Variants in EPHA5 observed in about 807,000 individuals in gnomAD.
EPHA5 encodes ephrin type-A receptor 5.
A neutral mutation model predicts 105.0 loss-of-function variants in EPHA5; 60 were observed. That is an observed-to-expected ratio of 0.57 (90% CI 0.46 to 0.71). The LOEUF is 0.71. EPHA5 is among the 30% of genes least tolerant of loss of function. EPHA5 has a pLI of 0.00. For missense variants in EPHA5, 1,218 were observed against 1,274.7 expected, an observed-to-expected ratio of 0.96 and a Z score of 0.68; for synonymous variants, 513 against 449.1, an observed-to-expected ratio of 1.14 and a Z score of -1.80.
At chr4:65,344,088 T>C (rs1463715159) in intron 14 of EPHA5, among the ~76,000 whole-genome samples, 1 of 152,188 alleles carries the variant, frequency 6.6e-6, no homozygotes, top group Non-Finnish European at 1.5e-5. Flanking sequence ...ATAAATGAAC[T>C]TTTATTCACT....
At chr4:65,609,687 G>T (rs922668422) in intron 2 of EPHA5, among the ~76,000 whole-genome samples, 3 of 148,542 alleles carry the variant, frequency 2.0e-5, no homozygotes, top group South Asian at 2.1e-4. Context: ...TTTCAAAAAC[G>T]TATGGATCCT....
chr4:65,574,215 G>T (rs1740552651), intron 3 of EPHA5: 1 of 1,603,574 alleles, frequency 6.2e-7, no homozygotes, highest in Non-Finnish European at 8.5e-7. Flanking sequence ...TGATCAGAAA[G>T]CTGTGGACTC....
At chr4:65,352,552 G>T (rs28564173) in intron 12 of EPHA5, among the ~76,000 whole-genome samples, 3 of 151,940 alleles carry the variant, frequency 2.0e-5, no homozygotes, top group African/African-American at 7.2e-5. Flanking sequence ...ATTACCACGT[G>T]AACTCTGCTG....
At position 65,562,790 on chromosome 4, in the gene EPHA5, A is replaced by G. The variant is rs561128256; in HGVS notation, c.910+38851T>C. The stretch of plus-strand genomic sequence containing the variant: ...AGTCTTCAAGACACTGAAGATGCTG[A>G]TTAATTAAATATAACATTTAAAAAA... On this transcript the variant is annotated intron_variant, in intron 3 of 16. Coordinates refer to ENST00000613740, the MANE Select transcript of EPHA5 (RefSeq NM_001281766.3). Among the ~76,000 whole-genome samples the G allele has an allele frequency of 3.7e-3, 559 of 152,124 alleles. 2 individuals carry two copies. Among genetic ancestry groups the G allele is most frequent in the African/African-American group, 0.012 (511 of 41,544 alleles).
chr4:65,601,313 A>C (rs1035178696), intron 3 of EPHA5, among the ~76,000 whole-genome samples: 2 of 152,222 alleles, frequency 1.3e-5, no homozygotes, highest in Non-Finnish European at 2.9e-5. Flanking sequence ...GATGTAGCAG[A>C]CAATAATTAT....
At position 65,657,920 on chromosome 4, in the gene EPHA5, A is replaced by AAG. The variant is rs1553962778; in HGVS notation, c.181+11641_181+11642insCT. On this transcript the variant is annotated intron_variant, in intron 1 of 16. Coordinates refer to ENST00000613740, the MANE Select transcript of EPHA5 (RefSeq NM_001281766.3). ...ATGCAAAAAAAAAAAAAAAAAAAAA[A>AAG]GATATTTTACTGCCAGTTTTTGTGG... Among the ~76,000 whole-genome samples the AAG allele has an allele frequency of 7.4e-5, 10 of 135,202 alleles. 1 individual carries two copies. Among genetic ancestry groups the AAG allele is most frequent in the Non-Finnish European group, 1.3e-4 (8 of 62,300 alleles). The allele number at this position is 135,202 out of a possible 152,430, so 88.7% of individuals were successfully genotyped here.
intron 3 of EPHA5, among the ~76,000 whole-genome samples, chr4:65,555,292 C>T (rs1738317208): frequency 6.6e-6 from 1 of 151,876 alleles, no homozygotes; most frequent in South Asian, 2.1e-4. Flanking sequence ...TACCCGAGGG[C>T]TGTATTTGGA....
intron 1 of EPHA5, among the ~76,000 whole-genome samples, chr4:65,657,840 G>A (rs1340262978): frequency 1.3e-5 from 2 of 148,624 alleles, no homozygotes; most frequent in Non-Finnish European, 3.0e-5. Flanking sequence ...ACTGGAGGTG[G>A]CACTCAATGA....
At chr4:65,392,654 T>C (rs1293856013) in intron 8 of EPHA5, among the ~76,000 whole-genome samples, 1 of 152,142 alleles carries the variant, frequency 6.6e-6, no homozygotes, top group Non-Finnish European at 1.5e-5. Context: ...CTTCTTGAAA[T>C]CATTGCATTT....
At position 65,547,298 on chromosome 4, in the gene EPHA5, GA is replaced by G. The variant is rs71657184; in HGVS notation, c.911-51756del. Among the ~76,000 whole-genome samples the G allele has an allele frequency of 2.4e-3, 334 of 139,426 alleles. 3 individuals carry two copies. Among genetic ancestry groups the G allele is most frequent in the Non-Finnish European group, 3.5e-3 (225 of 65,034 alleles). The allele number at this position is 139,426 out of a possible 152,430, so 91.5% of individuals were successfully genotyped here. ...GATAATGAAGATTCAAAGCCAAGTGGAAAAAAAAAAAAAAGAAAGAAACCAG... is the reference window on the plus strand; with the variant it reads ...GATAATGAAGATTCAAAGCCAAGTGGAAAAAAAAAAAAAGAAAGAAACCAG... On this transcript the variant is annotated intron_variant, in intron 3 of 16. Coordinates refer to ENST00000613740, the MANE Select transcript of EPHA5 (RefSeq NM_001281766.3).
At position 65,601,753 on chromosome 4, in the gene EPHA5, A is replaced by C. The variant is rs1257734557; in HGVS notation, c.798T>G (p.Ser266=). The change falls in exon 3 of 17, where the codon TCT becomes TCG. Residue 266 remains serine (S), a synonymous_variant. Transcript: ENST00000613740. ...GCATTTTGGGAGGTTCATCGGTCACAGAATGGTTGACACAGGAGCCTGACA... is the reference window on the plus strand; with the variant it reads ...GCATTTTGGGAGGTTCATCGGTCACCGAATGGTTGACACAGGAGCCTGACA... The part of the protein sequence containing the change: ...LEVSGSCVNH[S]VTDEPPKMHC... 1 of 1,614,048 alleles carries C rather than the reference A, an allele frequency of 6.2e-7. No individual in the cohort carries two copies. Among genetic ancestry groups the C allele is most frequent in the African/African-American group, 1.3e-5 (1 of 74,924 alleles).
At chr4:65,652,615 C>T (rs1026923985) in intron 1 of EPHA5, among the ~76,000 whole-genome samples, 2 of 152,090 alleles carry the variant, frequency 1.3e-5, no homozygotes, top group African/African-American at 4.8e-5. Context: ...CAACGTTTGA[C>T]TGGTGAAATA....
At chr4:65,379,456 A>T (rs192789675) in intron 8 of EPHA5, among the ~76,000 whole-genome samples, 2 of 151,926 alleles carry the variant, frequency 1.3e-5, no homozygotes, top group Admixed American at 1.3e-4. Flanking sequence ...TTAAGATGAC[A>T]TAAAAATTGC....
intron 3 of EPHA5, among the ~76,000 whole-genome samples, chr4:65,512,923 G>A (rs1428922841): frequency 1.3e-5 from 2 of 150,052 alleles, no homozygotes; most frequent in Non-Finnish European, 3.0e-5. Flanking sequence ...GGCAAAATCT[G>A]GAAAAAAAAA....
intron 1 of EPHA5, among the ~76,000 whole-genome samples, chr4:65,657,098 A>G (rs952434522): frequency 3.9e-5 from 6 of 152,088 alleles, no homozygotes; most frequent in Admixed American, 3.3e-4. Flanking sequence ...ATAATTAATA[A>G]CAACAATGTT....
intron 3 of EPHA5, among the ~76,000 whole-genome samples, chr4:65,590,076 G>A (rs1326321585): frequency 6.6e-6 from 1 of 152,124 alleles, no homozygotes; most frequent in Non-Finnish European, 1.5e-5. Flanking sequence ...CATTCTCCAT[G>A]TCTGATTCCT....
At chr4:65,597,669 A>G in intron 3 of EPHA5, among the ~76,000 whole-genome samples, 1 of 152,232 alleles carries the variant, frequency 6.6e-6, no homozygotes, top group East Asian at 1.9e-4. Context: ...AAGACTTACA[A>G]AAATAAATGT....
At chr4:65,355,092 G>C (rs1345682480) in intron 11 of EPHA5, among the ~76,000 whole-genome samples, 1 of 151,852 alleles carries the variant, frequency 6.6e-6, no homozygotes, top group African/African-American at 2.4e-5. Flanking sequence ...ACCTTGAAGA[G>C]TGCAGGGGTC....
intron 3 of EPHA5, among the ~76,000 whole-genome samples, chr4:65,508,863 G>A (rs908455857): frequency 4.9e-4 from 75 of 152,140 alleles, no homozygotes; most frequent in African/African-American, 1.7e-3. Flanking sequence ...TCTTCTTGGA[G>A]TAGCATATCT....
Sources: gnomAD v4.1 joint callset for allele counts (sites outside exome capture counted in the v4.1 genomes callset) on GRCh38, gnomAD v4.1.1 for gene constraint, MANE v1.5 for transcripts, NCBI Gene and HGNC (gene_info 2026-07-23, HGNC 2026-07-21) for gene names.